LPP: variants seen among roughly 807,000 people sequenced by gnomAD.
LPP encodes lipoma-preferred partner.
LPP carries 38 observed loss-of-function variants against 60.4 expected under a neutral mutation model. The observed-to-expected ratio is 0.63, with a 90% CI of 0.49 to 0.83. The LOEUF is 0.83. LPP is among the 40% of genes least tolerant of loss of function. The pLI is 0.00. For missense variants in LPP, 902 were observed against 783.6 expected (o/e 1.15, Z -1.80); for synonymous variants, 328 against 290.8 (o/e 1.13, Z -1.30).
chr3:188,627,264 C>T (rs1847014704), intron 7 of LPP, among the ~76,000 whole-genome samples: 1 of 152,120 alleles, frequency 6.6e-6, no homozygotes, highest in African/African-American at 2.4e-5. Flanking sequence ...CAGGTAACAA[C>T]ATGATGGCAA....
chr3:188,724,217 C>T (rs925438737), intron 8 of LPP, among the ~76,000 whole-genome samples: 20 of 152,036 alleles, frequency 1.3e-4, no homozygotes, highest in Non-Finnish European at 1.8e-4. Flanking sequence ...ATAATTTTCC[C>T]GGAATCTAGT....
chr3:188,319,855 G>C lies in LPP; in HGVS notation c.-66-21808G>C, dbSNP rs148303502. 4.5e-3 allele frequency among the ~76,000 whole-genome samples: 691 copies of C among 152,130 alleles called. 7 individuals carry two copies. The highest frequency in any genetic ancestry group is 0.014 in the Middle Eastern group (4 of 294). On this transcript the variant is annotated intron_variant, in intron 2 of 11. Coordinates refer to ENST00000617246, the MANE Select transcript of LPP (RefSeq NM_001375462.1). ...ACTAATGCCTTTCGTTTTTTTCCTA[G>C]ATCTAGTTTAGGATGCTGCTGTGCA...
chr3:188,474,837 G>A (rs1386755882), intron 4 of LPP, among the ~76,000 whole-genome samples: 3 of 152,142 alleles, frequency 2.0e-5, no homozygotes, highest in Admixed American at 6.5e-5. Flanking sequence ...TCAACTCATT[G>A]TCCTATTTAT....
intron 5 of LPP, among the ~76,000 whole-genome samples, chr3:188,510,587 G>A (rs1170592870): frequency 1.3e-5 from 2 of 152,092 alleles, no homozygotes; most frequent in African/African-American, 4.8e-5. Context: ...CTTCGTCATG[G>A]GGAATGTGTT....
At chr3:188,335,811 G>C (rs1042171609) in intron 2 of LPP, among the ~76,000 whole-genome samples, 5 of 152,108 alleles carry the variant, frequency 3.3e-5, no homozygotes, top group African/African-American at 1.2e-4. Context: ...TCTTGTGTCA[G>C]TGAGTTGATG....
At chr3:188,615,472 T>C (rs1844663517) in intron 7 of LPP, among the ~76,000 whole-genome samples, 1 of 152,270 alleles carries the variant, frequency 6.6e-6, no homozygotes, top group Non-Finnish European at 1.5e-5. Flanking sequence ...GTTCCTGTCT[T>C]CTATCAACCT....
chr3:188,260,764 G>T (rs1393209317), intron 2 of LPP, among the ~76,000 whole-genome samples: 4 of 152,154 alleles, frequency 2.6e-5, no homozygotes, highest in African/African-American at 9.7e-5. Context: ...TGGGCGCGGT[G>T]GTTCACGCCT....
intron 2 of LPP, among the ~76,000 whole-genome samples, chr3:188,226,526 TG>T (rs1478002726): frequency 3.9e-5 from 6 of 152,158 alleles, no homozygotes; most frequent in African/African-American, 1.4e-4. Context: ...TAGAACATTA[TG>T]TTCTAAAAAA....
At chr3:188,569,860 T>G (rs1275547400) in intron 6 of LPP, among the ~76,000 whole-genome samples, 2 of 152,070 alleles carry the variant, frequency 1.3e-5, no homozygotes, top group African/African-American at 4.8e-5. Flanking sequence ...ATTCAGTGAT[T>G]TGTAATTTAT....
At chr3:188,236,786 T>C (rs1360749650) in intron 2 of LPP, among the ~76,000 whole-genome samples, 1 of 152,250 alleles carries the variant, frequency 6.6e-6, no homozygotes, top group Non-Finnish European at 1.5e-5. Context: ...GTCCTGCTTT[T>C]GCTGATGGAG....
intron 2 of LPP, among the ~76,000 whole-genome samples, chr3:188,244,937 C>T (rs998369157): frequency 6.6e-6 from 1 of 152,104 alleles, no homozygotes; most frequent in Non-Finnish European, 1.5e-5. Context: ...TTTTGTATCT[C>T]CTTACTAGGC....
intron 3 of LPP, among the ~76,000 whole-genome samples, chr3:188,387,820 C>G (rs971977264): frequency 3.9e-5 from 6 of 152,062 alleles, no homozygotes; most frequent in African/African-American, 1.4e-4. Context: ...CTGCCTTGGC[C>G]TCCCAAAGTG....
At chr3:188,201,029 G>A (rs973113509) in intron 1 of LPP, among the ~76,000 whole-genome samples, 3 of 152,108 alleles carry the variant, frequency 2.0e-5, no homozygotes, top group Admixed American at 6.6e-5. Context: ...TATTTTTGAC[G>A]ACAGCAGTTG....
intron 6 of LPP, among the ~76,000 whole-genome samples, chr3:188,563,717 TGTTTTTTTTTG>T (rs1306272504): frequency 2.1e-4 from 26 of 125,488 alleles, no homozygotes; most frequent in African/African-American, 4.5e-4. Context: ...GAATTGCTTG[TGTTTTTTTTTG>T]TTTTTTTTTT....
At chr3:188,805,382 A>G (rs1046539626) in intron 9 of LPP, among the ~76,000 whole-genome samples, 1 of 151,956 alleles carries the variant, frequency 6.6e-6, no homozygotes, top group Non-Finnish European at 1.5e-5. Flanking sequence ...GACAGTTTGC[A>G]TCTCTTAGAA....
chr3:188,252,184 T>C (rs984417137), intron 2 of LPP, among the ~76,000 whole-genome samples: 13 of 108,212 alleles, frequency 1.2e-4, no homozygotes, highest in Non-Finnish European at 2.0e-4. Flanking sequence ...TATATATATA[T>C]ATATATATAT....
At chr3:188,661,220 T>A (rs1854509717) in intron 7 of LPP, among the ~76,000 whole-genome samples, 1 of 152,190 alleles carries the variant, frequency 6.6e-6, no homozygotes, top group East Asian at 1.9e-4. Flanking sequence ...ATGTCCACAG[T>A]TTATTTATCC....
chr3:188,657,070 A>G (rs1330689843), intron 7 of LPP, among the ~76,000 whole-genome samples: 1 of 151,968 alleles, frequency 6.6e-6, no homozygotes, highest in Non-Finnish European at 1.5e-5. Context: ...TAGAGTCCAC[A>G]TTGGCCCATT....
At chr3:188,602,750 G>A (rs1841644260) in intron 6 of LPP, among the ~76,000 whole-genome samples, 1 of 148,120 alleles carries the variant, frequency 6.8e-6, no homozygotes, top group Admixed American at 6.8e-5. Context: ...AAGGAGAAGA[G>A]TAACTTAGCA....
Sources: allele counts gnomAD v4.1 joint callset (sites outside exome capture counted in the v4.1 genomes callset), GRCh38; gene constraint gnomAD v4.1.1; transcripts MANE v1.5; gene names NCBI Gene and HGNC (gene_info 2026-07-23, HGNC 2026-07-21).